LYSMD4: variants seen among roughly 807,000 people sequenced by gnomAD.
The protein encoded by LYSMD4 is lysM and putative peptidoglycan-binding domain-containing protein 4.
In LYSMD4, 9 loss-of-function variants were observed where a neutral mutation model predicts 6.1. That is an observed-to-expected ratio of 1.47 (90% confidence interval 0.88 to 2.56). The LOEUF is 2.56. LYSMD4 is among the 30% of genes most tolerant of loss of function. The pLI, the probability that LYSMD4 is intolerant of heterozygous loss-of-function variation, is 0.00. For missense variants in LYSMD4, 384 were observed against 373.5 expected (o/e 1.03, Z -0.23); for synonymous variants, 143 against 148.5 (o/e 0.96, Z 0.27).
downstream of LYSMD4, among the ~76,000 whole-genome samples, chr15:99,723,025 T>A (rs2059248921): frequency 6.6e-6 from 1 of 151,606 alleles, no homozygotes; most frequent in African/African-American, 2.4e-5. Flanking sequence ...AGCAAGACTC[T>A]GTTTTGTTTT....
chr15:99,731,867 G>A lies in LYSMD4; in HGVS notation c.133C>T (p.Arg45Cys). 5.6e-6 allele frequency: 9 copies of A among 1,613,506 alleles called. No individual in the cohort carries two copies. The highest frequency in any genetic ancestry group is 6.8e-6 in the Non-Finnish European group (8 of 1,180,012). Residue 45 changes from arginine to cysteine, a missense_variant, in exon 2 of 3, where the codon CGT becomes TGT. Physicochemically the swap from Arg to Cys is radical, Grantham distance 180. Coordinates refer to ENST00000684762, the MANE Select transcript of LYSMD4 (RefSeq NM_001284417.2). ...TTGCCCCGGGGCCGCAAAACCACAC[G>A]GTGAGACTCTTCTTCAGAAGAGTCC... is the stretch of plus-strand genomic sequence containing the variant. ...SGDSSEEESH[R>C]VVLRPRGKER...
rs1217550670 is a variant in LYSMD4, at chr15:99,731,963, C to T, written c.37G>A (p.Gly13Ser). ...GGAGTCCCACACACAACAGCTGGGC[C>T]TTGGAAGGTCTTGGTTAACAATTCC... ...HEELLTKTFQ[G>S]PAVVCGTPTS... is the part of the protein sequence containing the mutation. The change falls in exon 2 of 3, where the codon GGC (glycine) becomes AGC (serine). Residue 13 changes from glycine to serine, a missense_variant. Physicochemically the swap from Gly to Ser is moderately conservative, Grantham distance 56. Transcript: ENST00000684762. 3 of 1,599,388 alleles carry T rather than the reference C, an allele frequency of 1.9e-6. No homozygotes were observed. The highest frequency in any genetic ancestry group is 2.2e-5 in the South Asian group (2 of 89,768).
downstream of LYSMD4, among the ~76,000 whole-genome samples, chr15:99,724,305 G>A (rs1270288198): frequency 6.9e-6 from 1 of 144,092 alleles, no homozygotes; most frequent in African/African-American, 2.9e-5. Context: ...CCGATGCCCA[G>A]GCTGGAGTGC....
Position 99,731,886 on chromosome 15 carries a change from AGAGTCCCCC to A in LYSMD4, c.105_113del (p.Gly36_Ser38del). 1.9e-6 allele frequency: 3 copies of A among 1,613,596 alleles called. No homozygotes were observed. Among genetic ancestry groups the A allele is most frequent in the Non-Finnish European group, 2.5e-6 (3 of 1,180,028 alleles). The stretch of plus-strand genomic sequence containing the variant: ...CCACACGGTGAGACTCTTCTTCAGA[AGAGTCCCCC>A]GAGTCCCCACTGCCATTCTTAAACA... On this transcript the variant is annotated inframe_deletion, in exon 2 of 3. Transcript: ENST00000684762.
Position 99,731,895 on chromosome 15 carries a change from C to T in LYSMD4, c.105G>A (p.Ser35=), listed in dbSNP as rs370472215. ...GAGACTCTTCTTCAGAAGAGTCCCC[C>T]GAGTCCCCACTGCCATTCTTAAACA... is the stretch of plus-strand genomic sequence containing the variant. The part of the protein sequence containing the change: ...VYMFKNGSGD[S]GDSSEEESHR... The change falls in exon 2 of 3, where the codon TCG becomes TCA. Residue 35 remains serine (S), a synonymous_variant. Transcript: ENST00000684762. 83 of 1,613,440 alleles carry T rather than the reference C, an allele frequency of 5.1e-5. No homozygotes were observed. Among genetic ancestry groups the T allele is most frequent in the Non-Finnish European group, 6.5e-5 (77 of 1,180,020 alleles).
At chr15:99,721,721 T>C (rs1009232895), upstream of LYSMD4, among the ~76,000 whole-genome samples, 1 of 152,208 alleles carries the variant, frequency 6.6e-6, no homozygotes, top group South Asian at 2.1e-4. Flanking sequence ...GACCCTGGCC[T>C]ATGATATTCT....
At chr15:99,733,089 C>T (rs909333323) in intron 1 of LYSMD4, 1 of 357,822 alleles carries the variant, frequency 2.8e-6, no homozygotes, top group Non-Finnish European at 5.0e-6. Flanking sequence ...GGCCCGGCCC[C>T]AGGGCTCCAC....
At chr15:99,731,481 G>A in intron 2 of LYSMD4, 9 of 1,592,702 alleles carry the variant, frequency 5.7e-6, no homozygotes, top group Non-Finnish European at 7.7e-6. Flanking sequence ...AAAAGGAGAA[G>A]TTCCCTGCAG....
chr15:99,716,664 G>C, exon 1 of LYSMD4: 1 of 456,752 alleles, frequency 2.2e-6, no homozygotes, highest in South Asian at 1.5e-5. Flanking sequence ...GCCCCCACTG[G>C]CCTCCCCCTT....
rs143085338 is a variant in LYSMD4 at position 99,729,160 on chromosome 15, T to G, written c.854A>C (p.Asp285Ala). The G allele has an allele frequency of 1.5e-3, 2,452 of 1,614,110 alleles. 11 individuals carry two copies. Among genetic ancestry groups the G allele is most frequent in the Middle Eastern group, 0.01 (63 of 6,062 alleles). The change falls in exon 3 of 3, where the codon GAC becomes GCC. Residue 285 changes from aspartate (D) to alanine (A), a missense_variant. Coordinates refer to ENST00000684762, the MANE Select transcript of LYSMD4 (RefSeq NM_001284417.2). ...TTGGGTGGTCTGACTGAACTGGCTG[T>G]CTGCAGAAGTGACGGCTGGCACTGC... ...AVAVPAVTSADSQFSQTTQAG... is the reference protein window; with the variant it reads ...AVAVPAVTSAASQFSQTTQAG...
At chr15:99,716,342 T>C in exon 1 of LYSMD4, 1 of 351,258 alleles carries the variant, frequency 2.8e-6, no homozygotes, top group South Asian at 2.2e-5. Context: ...TTAATCTCAA[T>C]TTTTCCCTGA....
chr15:99,724,502 C>G (rs1283381638), downstream of LYSMD4, among the ~76,000 whole-genome samples: 1 of 152,204 alleles, frequency 6.6e-6, no homozygotes, highest in Non-Finnish European at 1.5e-5. Flanking sequence ...TGGGCTCAAG[C>G]AATCTGCCCA....
downstream of LYSMD4, among the ~76,000 whole-genome samples, chr15:99,723,275 T>G (rs754356471): frequency 6.6e-6 from 1 of 152,112 alleles, no homozygotes; most frequent in Non-Finnish European, 1.5e-5. Context: ...CAAGAAACAA[T>G]GAGCCCCAAA....
downstream of LYSMD4, among the ~76,000 whole-genome samples, chr15:99,726,204 C>A (rs1415333960): frequency 2.2e-5 from 3 of 137,782 alleles, no homozygotes; most frequent in Admixed American, 2.4e-4. Flanking sequence ...CAGATCTCGG[C>A]CCGATCTCGG....
Position 99,729,089 on chromosome 15 carries a change from T to G in LYSMD4, c.*34A>C, listed in dbSNP as rs1270660757. The G allele has an allele frequency of 2.5e-6, 4 of 1,604,760 alleles. No individual in the cohort carries two copies. Among genetic ancestry groups the G allele is most frequent in the Non-Finnish European group, 3.4e-6 (4 of 1,172,820 alleles). ...CAGCTGAGGCACATCAACAGCCAATTGCTAAAGCTGGGCCTAGTCTTTAAA... is the reference window on the plus strand; with the variant it reads ...CAGCTGAGGCACATCAACAGCCAATGGCTAAAGCTGGGCCTAGTCTTTAAA... On this transcript the variant is annotated 3_prime_UTR_variant, in exon 3 of 3. Transcript: ENST00000684762.
chr15:99,726,749 A>G (rs904877602), downstream of LYSMD4, among the ~76,000 whole-genome samples: 8 of 152,212 alleles, frequency 5.3e-5, no homozygotes, highest in Admixed American at 3.3e-4. Context: ...AAGACTGGAG[A>G]CTAGATAGCA....
At chr15:99,724,759 A>G (rs1274319475), downstream of LYSMD4, among the ~76,000 whole-genome samples, 1 of 152,226 alleles carries the variant, frequency 6.6e-6, no homozygotes, top group Non-Finnish European at 1.5e-5. Flanking sequence ...AAGGTGTGAG[A>G]AAGTCTCCCC....
At chr15:99,718,038 C>T (rs2059203735), upstream of LYSMD4, among the ~76,000 whole-genome samples, 1 of 152,218 alleles carries the variant, frequency 6.6e-6, no homozygotes, top group Non-Finnish European at 1.5e-5. Flanking sequence ...TTAATATTGA[C>T]ACAGCATTTT....
rs2141114260 is a variant in LYSMD4 at position 99,728,018 on chromosome 15, C to T, written c.*1105G>A. 1 of 152,398 alleles carries T rather than the reference C, an allele frequency of 6.6e-6. No homozygotes were observed. The highest frequency in any genetic ancestry group is 1.9e-4 in the East Asian group (1 of 5,202). The allele number at this position is 152,398 out of a possible 1,614,324, so 9.4% of individuals were successfully genotyped here. On this transcript the variant is annotated 3_prime_UTR_variant, in exon 3 of 3. Coordinates refer to ENST00000684762, the MANE Select transcript of LYSMD4 (RefSeq NM_001284417.2). ...GAGAAGGGCTGGGAAAACTGCAAGC[C>T]CCTTCCTCCCTCAGGTGTTCTGATC... is the stretch of plus-strand genomic sequence containing the variant.
Sources: allele counts gnomAD v4.1 joint callset (sites outside exome capture counted in the v4.1 genomes callset), GRCh38; gene constraint gnomAD v4.1.1; transcripts MANE v1.5; gene names NCBI Gene and HGNC (gene_info 2026-07-23, HGNC 2026-07-21).